The following RP9 variants were observed in gnomAD, a reference collection of about 807,000 sequenced individuals.
RP9 encodes the protein retinitis pigmentosa 9 protein.
In RP9, 23 loss-of-function variants were observed where a neutral mutation model predicts 32.6. The observed-to-expected ratio is 0.71, with a 90% CI of 0.51 to 1.00. The LOEUF (loss-of-function observed/expected upper bound fraction) is 1.00. RP9 is among the 50% of genes least tolerant of loss of function. The pLI, the probability that RP9 is intolerant of heterozygous loss-of-function variation, is 0.00. For synonymous variants in RP9, 94 were observed against 103.6 expected, an observed-to-expected ratio of 0.91 and a Z score of 0.56; for missense variants, 245 against 285.3, an observed-to-expected ratio of 0.86 and a Z score of 1.02.
At chr7:33,096,644 A>AT (rs201977708) in intron 4 of RP9, 90 bp from the exon 5 acceptor site, 11,112 of 702,384 alleles carry the variant, frequency 0.016, 4 homozygotes, top group Middle Eastern at 0.033. Context: ...AAACCAGTTT[A>AT]TTTTTTTTTT....
At chr7:33,100,878 C>T (rs781327399) in intron 1 of RP9, 8 of 497,024 alleles carry the variant, frequency 1.6e-5, no homozygotes, top group South Asian at 3.7e-5. Context: ...ATTCTGAAGG[C>T]GAGGTGTTTG....
Position 33,096,561 on chromosome 7 carries a change from G to A in RP9, c.406-7C>T. 1 of 1,603,726 alleles carries A rather than the reference G, an allele frequency of 6.2e-7. No individual in the cohort carries two copies. The highest frequency in any genetic ancestry group is 1.1e-5 in the South Asian group (1 of 90,916). ...ACATGGGATCTTCATGTGCCTTAAG[G>A]GTCAGAGAAGGTTAAGGTTTGGTTA... is the stretch of plus-strand genomic sequence containing the variant. On this transcript the variant is annotated splice_polypyrimidine_tract_variant and splice_region_variant and intron_variant, in intron 4 of 5. Coordinates refer to ENST00000297157, the MANE Select transcript of RP9 (RefSeq NM_203288.2).
chr7:33,106,168 T>TG lies in RP9; in HGVS notation c.152+3052_152+3053insC, dbSNP rs1301618990. 1.2e-4 allele frequency among the ~76,000 whole-genome samples: 18 copies of TG among 152,228 alleles called. No individual in the cohort carries two copies. In the East Asian group the frequency reaches 1.3e-3, roughly 11 times the overall value. On this transcript the variant is annotated intron_variant, in intron 1 of 5. Transcript: ENST00000297157. ...ATTCATAGTTATATTGCTGTTTTTT[T>TG]TTTGTTTGTTTGTTTTTGAGACAGG...
At chr7:33,099,001 TGGGTG>T in intron 3 of RP9, 2 of 461,034 alleles carry the variant, frequency 4.3e-6, no homozygotes, top group South Asian at 4.2e-5. Flanking sequence ...TGCCGTATTC[TGGGTG>T]GCCTAAACAA....
intron 1 of RP9, among the ~76,000 whole-genome samples, chr7:33,102,494 T>TA (rs963970779): frequency 1.3e-5 from 2 of 151,898 alleles, no homozygotes; most frequent in African/African-American, 2.4e-5. Flanking sequence ...ATTCTCAAGA[T>TA]AAAAAAAAGT....
intron 1 of RP9, among the ~76,000 whole-genome samples, chr7:33,108,927 T>G (rs552688695): frequency 6.6e-6 from 1 of 152,180 alleles, no homozygotes; most frequent in African/African-American, 2.4e-5. Context: ...CCCGGGTCAT[T>G]TGGACTCTCC....
chr7:33,102,065 A>C (rs1325849101), intron 1 of RP9, among the ~76,000 whole-genome samples: 16 of 152,220 alleles, frequency 1.1e-4, no homozygotes, highest in Admixed American at 1.0e-3. Context: ...TGTTCTTGCC[A>C]AGATGAAAAT....
At chr7:33,101,248 C>G (rs1188731655) in intron 1 of RP9, among the ~76,000 whole-genome samples, 1 of 152,098 alleles carries the variant, frequency 6.6e-6, no homozygotes, top group Non-Finnish European at 1.5e-5. Flanking sequence ...TTAAGGGACC[C>G]TTTAGAAGAC....
chr7:33,099,530 C>T, intron 2 of RP9, 94 bp from the exon 3 acceptor site: 1 of 1,396,958 alleles, frequency 7.2e-7, no homozygotes, highest in East Asian at 2.3e-5. Context: ...TTTTCCTGGG[C>T]TTCCGGTGCC....
At position 33,095,253 on chromosome 7, in the gene RP9, T is replaced by G. The variant is rs1788313167; in HGVS notation, c.647A>C (p.Glu216Ala). 6.2e-7 allele frequency: 1 copy of G among 1,612,164 alleles called. No homozygotes were observed. Among genetic ancestry groups the G allele is most frequent in the Admixed American group, 1.7e-5 (1 of 59,976 alleles). Residue 216 changes from glutamate (E) to alanine (A), a missense_variant, in exon 6 of 6, where the codon GAG becomes GCG. By Grantham distance (107) the Glu-to-Ala change is moderately radical (BLOSUM62 -1). This residue lies in a region of RP9 where 63 missense variants were observed against 109.8 expected (regional missense o/e 0.57). Transcript: ENST00000297157. ...KRKHKSSKSN[E>A]GSDSE ...TCCTTGTCACTCTGAGTCAGAACCC[T>G]CATTTGACTTGGAAGATTTGTGCTT...
At chr7:33,096,701 C>T (rs1457772570) in intron 4 of RP9, 147 bp from the exon 5 acceptor site, 1 of 706,040 alleles carries the variant, frequency 1.4e-6, no homozygotes, top group Non-Finnish European at 2.5e-6. Flanking sequence ...GGTCACATCA[C>T]TGAAAACTCA....
intron 1 of RP9, among the ~76,000 whole-genome samples, chr7:33,107,238 C>G (rs1788511922): frequency 6.6e-6 from 1 of 152,190 alleles, no homozygotes; most frequent in Non-Finnish European, 1.5e-5. Flanking sequence ...AAAAATCCCA[C>G]CAGTCAATCA....
At chr7:33,104,241 A>T (rs1788467956) in intron 1 of RP9, among the ~76,000 whole-genome samples, 1 of 152,148 alleles carries the variant, frequency 6.6e-6, no homozygotes, top group African/African-American at 2.4e-5. Flanking sequence ...TGCATTCATG[A>T]CATGTCAAGA....
chr7:33,101,136 A>G lies in RP9; in HGVS notation c.153-575T>C, dbSNP rs538213697. On this transcript the variant is annotated intron_variant, in intron 1 of 5. Transcript: ENST00000297157. The stretch of plus-strand genomic sequence containing the variant: ...TACAGTTGTGTACCATGGCACCATG[A>G]CACCTGGCTCTCTTATTTTAATACT... Among the ~76,000 whole-genome samples, 5 of 152,118 alleles carry G rather than the reference A, an allele frequency of 3.3e-5. No homozygotes were observed. The East Asian group carries it at 9.7e-4, about 29-fold the overall frequency.
At chr7:33,097,725 T>G (rs1788360623) in intron 3 of RP9, among the ~76,000 whole-genome samples, 2 of 152,058 alleles carry the variant, frequency 1.3e-5, no homozygotes, top group Non-Finnish European at 2.9e-5. Context: ...GTTCAAGATA[T>G]TCTTCTATTT....
intron 1 of RP9, among the ~76,000 whole-genome samples, chr7:33,104,083 TAACA>T: frequency 6.6e-6 from 1 of 151,946 alleles, no homozygotes; most frequent in South Asian, 2.1e-4. Context: ...TTTAGAAATA[TAACA>T]AATATGTTTA....
chr7:33,109,279 G>A lies in RP9; in HGVS notation c.94C>T (p.Gln32Ter). ...PEQELQRRRE[Q>*]KRRRHDAQQL... Reference sequence around the variant, plus strand: ...TGCGCGTCGTGTCGCCGCCGCTTCTGCTCCCGACGTCGCTGCAGCTCCTGC... The same window carrying A: ...TGCGCGTCGTGTCGCCGCCGCTTCTACTCCCGACGTCGCTGCAGCTCCTGC... Residue 32 changes from glutamine to a stop codon, truncating the protein, a stop_gained, in exon 1 of 6, where the codon CAG (glutamine) becomes TAG (stop). Transcript: ENST00000297157. LOFTEE classifies it high-confidence loss of function. This position sits in a 1 kb window ranked among gnomAD's most constrained non-coding sequence, Gnocchi z 4.9. The A allele has an allele frequency of 1.3e-6, 2 of 1,489,156 alleles. No individual in the cohort carries two copies. 92.2% of individuals were successfully genotyped at this position (1,489,156 alleles called of 1,614,324 possible).
At chr7:33,102,222 A>G (rs1026326419) in intron 1 of RP9, among the ~76,000 whole-genome samples, 38 of 152,350 alleles carry the variant, frequency 2.5e-4, no homozygotes, top group African/African-American at 9.1e-4. Flanking sequence ...TAGTATACTC[A>G]AAAATATATT....
intron 1 of RP9, among the ~76,000 whole-genome samples, chr7:33,102,252 T>G (rs1788436532): frequency 6.6e-6 from 1 of 152,236 alleles, no homozygotes; most frequent in Non-Finnish European, 1.5e-5. Flanking sequence ...AGTATTTAAC[T>G]ACTAAATACA....
Sources: allele counts gnomAD v4.1 joint callset (sites outside exome capture counted in the v4.1 genomes callset), GRCh38; gene constraint gnomAD v4.1.1; regional missense constraint gnomAD v4.1.1; non-coding constraint Gnocchi (gnomAD v3.1); transcripts MANE v1.5; gene names NCBI Gene and HGNC (gene_info 2026-07-23, HGNC 2026-07-21).